CHST8: variants seen among roughly 807,000 people sequenced by gnomAD.
CHST8 encodes the protein GALNAC-4-ST1.
CHST8 carries 10 observed loss-of-function variants against 15.0 expected under a neutral mutation model. The ratio of observed to expected loss-of-function variants is 0.67; its 90% confidence interval spans 0.41 to 1.13. The LOEUF (loss-of-function observed/expected upper bound fraction) is 1.13. Among genes scored for constraint, CHST8 ranks in the 50% most tolerant of loss-of-function variants. CHST8 has a pLI of 0.00. For synonymous variants in CHST8, 259 were observed against 256.6 expected (o/e 1.01, Z -0.09); for missense variants, 634 against 608.2 (o/e 1.04, Z -0.45).
At chr19:33,651,653 T>C (rs1444438482) in intron 1 of CHST8, among the ~76,000 whole-genome samples, 8 of 152,242 alleles carry the variant, frequency 5.3e-5, no homozygotes, top group Non-Finnish European at 1.2e-4. Flanking sequence ...TCATGAATTA[T>C]TTGGATGCAA....
chr19:33,674,737 C>T (rs11084744), intron 2 of CHST8, among the ~76,000 whole-genome samples: 64,882 of 152,080 alleles, frequency 0.43, 15,916 homozygotes, highest in East Asian at 0.67. Flanking sequence ...ACCCTCCCAC[C>T]ACCTTCCCTC....
chr19:33,627,328 T>C (rs1972069174), intron 1 of CHST8, among the ~76,000 whole-genome samples: 1 of 151,882 alleles, frequency 6.6e-6, no homozygotes, highest in African/African-American at 2.4e-5. Context: ...GCCTGGCTGG[T>C]CTCGAACTCC....
chr19:33,675,292 C>T (rs1042273458), intron 2 of CHST8, among the ~76,000 whole-genome samples: 4 of 152,220 alleles, frequency 2.6e-5, no homozygotes, highest in Admixed American at 2.0e-4. Flanking sequence ...GGGCTTGTTC[C>T]CTTGTTGCGG....
chr19:33,757,528 GAAAGAAAGA>G (rs1568358838), intron 3 of CHST8, among the ~76,000 whole-genome samples: 2 of 30,842 alleles, frequency 6.5e-5, no homozygotes, highest in Non-Finnish European at 1.3e-4. Flanking sequence ...GAAAGAGAAA[GAAAGAAAGA>G]AAGAAAGAAA....
At chr19:33,624,808 G>A (rs920038381) in intron 1 of CHST8, among the ~76,000 whole-genome samples, 7 of 152,178 alleles carry the variant, frequency 4.6e-5, no homozygotes, top group Admixed American at 2.6e-4. Flanking sequence ...TTGCTGATGC[G>A]TCTGGCTGGA....
intron 2 of CHST8, among the ~76,000 whole-genome samples, chr19:33,673,885 A>G (rs1972775849): frequency 6.6e-6 from 1 of 152,066 alleles, no homozygotes; most frequent in Non-Finnish European, 1.5e-5. Context: ...TCCCGGGTAG[A>G]TGGGAATACA....
chr19:33,704,535 C>T lies in CHST8; in HGVS notation c.130+15144C>T, dbSNP rs146032634. 2.0e-4 allele frequency among the ~76,000 whole-genome samples: 30 copies of T among 152,364 alleles called. 1 individual carries two copies. In the East Asian group the frequency reaches 5.6e-3, roughly 28 times the overall value. ...AGGGCCAGGGGCCACCGATGCTCCA[C>T]TCCAGCCCAGAGCTCTGTGCAGGAG... On this transcript the variant is annotated intron_variant, in intron 3 of 4. Coordinates refer to ENST00000650847, the MANE Select transcript of CHST8 (RefSeq NM_001127895.2).
At chr19:33,760,593 A>G (rs1254756133) in intron 3 of CHST8, among the ~76,000 whole-genome samples, 13 of 151,932 alleles carry the variant, frequency 8.6e-5, no homozygotes, top group Non-Finnish European at 2.9e-5. Context: ...CACTGGGATT[A>G]AAGGTGTAAA....
intron 3 of CHST8, among the ~76,000 whole-genome samples, chr19:33,714,970 G>A (rs973904629): frequency 6.6e-6 from 1 of 152,136 alleles, no homozygotes; most frequent in Non-Finnish European, 1.5e-5. Context: ...CCCACCCTGA[G>A]AGATCCAGCC....
chr19:33,710,631 T>G (rs1973530369), intron 3 of CHST8, among the ~76,000 whole-genome samples: 1 of 152,258 alleles, frequency 6.6e-6, no homozygotes, highest in African/African-American at 2.4e-5. Context: ...TCTACCAATT[T>G]TATCACAACC....
At chr19:33,678,066 A>T (rs1972833610) in intron 2 of CHST8, among the ~76,000 whole-genome samples, 1 of 152,192 alleles carries the variant, frequency 6.6e-6, no homozygotes, top group Non-Finnish European at 1.5e-5. Flanking sequence ...AGAAGGCCAG[A>T]TCTGCACTCA....
At position 33,772,708 on chromosome 19, in the gene CHST8, G is replaced by A; in HGVS notation, c.920G>A (p.Arg307His). Reference sequence around the variant, plus strand: ...GCCCTGCGGACCGGCTCTGGGGTGCGTTTTCCCGAGTTCGTCCAGTACCTG... The same window carrying A: ...GCCCTGCGGACCGGCTCTGGGGTGCATTTTCCCGAGTTCGTCCAGTACCTG... ...REALRTGSGV[R>H]FPEFVQYLLD... is the part of the protein sequence containing the mutation. Residue 307 changes from arginine (R) to histidine (H), a missense_variant, in exon 5 of 5, where the codon CGT becomes CAT. Arg to His is a conservative substitution (Grantham distance 29). Transcript: ENST00000650847. The A allele has an allele frequency of 6.2e-7, 1 of 1,613,396 alleles. No homozygotes were observed. Among genetic ancestry groups the A allele is most frequent in the Non-Finnish European group, 8.5e-7 (1 of 1,179,964 alleles).
chr19:33,757,496 A>C (rs1299601691), intron 3 of CHST8, among the ~76,000 whole-genome samples: 5 of 52,984 alleles, frequency 9.4e-5, no homozygotes, highest in African/African-American at 1.6e-4. Context: ...GAAAGAAAGA[A>C]AGAAAGAAAG....
chr19:33,687,103 G>A (rs901924126), intron 2 of CHST8, among the ~76,000 whole-genome samples: 1 of 152,248 alleles, frequency 6.6e-6, no homozygotes, highest in Admixed American at 6.5e-5. Context: ...TGCCTGCCTT[G>A]TCAGCTGCTC....
intron 3 of CHST8, among the ~76,000 whole-genome samples, chr19:33,751,361 C>A (rs1389156106): frequency 6.6e-6 from 1 of 152,212 alleles, no homozygotes. Context: ...ACGTAGACAT[C>A]CAAGGGAAAT....
chr19:33,750,054 C>T (rs1003409011), intron 3 of CHST8, among the ~76,000 whole-genome samples: 35 of 152,286 alleles, frequency 2.3e-4, no homozygotes, highest in Middle Eastern at 3.4e-3. Flanking sequence ...CGCCCTGAGA[C>T]GGGCCAGAGG....
chr19:33,639,080 C>T (rs1388259519), intron 1 of CHST8, among the ~76,000 whole-genome samples: 1 of 127,160 alleles, frequency 7.9e-6, no homozygotes, highest in African/African-American at 3.0e-5. Flanking sequence ...AGCAGGTGAT[C>T]CTGACCAAAA....
At chr19:33,665,679 C>T (rs1972648160) in intron 1 of CHST8, among the ~76,000 whole-genome samples, 1 of 152,152 alleles carries the variant, frequency 6.6e-6, no homozygotes, top group Non-Finnish European at 1.5e-5. Context: ...CCTGTAGCCT[C>T]TTCCTGCTGG....
At chr19:33,645,947 C>T (rs1300355303) in intron 1 of CHST8, among the ~76,000 whole-genome samples, 2 of 151,780 alleles carry the variant, frequency 1.3e-5, no homozygotes, top group African/African-American at 4.8e-5. Context: ...GGCAACATGG[C>T]GATACCCCAT....
Sources: gnomAD v4.1 joint callset for allele counts (sites outside exome capture counted in the v4.1 genomes callset) on GRCh38, gnomAD v4.1.1 for gene constraint, MANE v1.5 for transcripts, NCBI Gene and HGNC (gene_info 2026-07-23, HGNC 2026-07-21) for gene names.